The following FNDC3B variants were observed in gnomAD, a reference collection of about 807,000 sequenced individuals.
FNDC3B encodes the protein fibronectin type III domain containing 3B.
In FNDC3B, 12 loss-of-function variants were observed where a neutral mutation model predicts 151.5. The observed-to-expected ratio is 0.08, with a 90% CI of 0.05 to 0.13. The LOEUF (loss-of-function observed/expected upper bound fraction) is 0.13, where lower values mean the gene tolerates loss of function less well. Among genes scored for constraint, FNDC3B ranks in the 10% least tolerant of loss-of-function variants. The probability of loss-of-function intolerance (pLI) is 1.00; values close to 1 mark genes in which losing one functional copy is unlikely to be tolerated. For missense variants in FNDC3B, 1,214 were observed against 1,505.3 expected (o/e 0.81, Z 3.20); for synonymous variants, 528 against 549.0 (o/e 0.96, Z 0.54).
chr3:172,141,563 T>C (rs375109085), intron 3 of FNDC3B, among the ~76,000 whole-genome samples: 1 of 152,220 alleles, frequency 6.6e-6, no homozygotes, highest in Non-Finnish European at 1.5e-5. Flanking sequence ...TGGCTGGGCA[T>C]AGTGGCTCAC....
At chr3:172,173,207 T>G (rs1489395316) in intron 3 of FNDC3B, among the ~76,000 whole-genome samples, 1 of 152,214 alleles carries the variant, frequency 6.6e-6, no homozygotes, top group Non-Finnish European at 1.5e-5. Context: ...AGGGAGTTTA[T>G]AGAACTCCCT....
chr3:172,207,600 C>T (rs372533159), intron 3 of FNDC3B, among the ~76,000 whole-genome samples: 18 of 152,132 alleles, frequency 1.2e-4, no homozygotes, highest in Admixed American at 2.0e-4. Flanking sequence ...GGTCCATGGG[C>T]GGCCATGGGC....
Position 172,397,521 on chromosome 3 carries a change from C to G in FNDC3B, c.*46C>G. The G allele has an allele frequency of 8.0e-7, 1 of 1,254,612 alleles. No individual in the cohort carries two copies. The highest frequency in any genetic ancestry group is 1.4e-5 in the South Asian group (1 of 70,646). The allele number at this position is 1,254,612 out of a possible 1,614,324, so 77.7% of individuals were successfully genotyped here. A position where few individuals can be genotyped will look rare whatever the true frequency, so the allele number is the denominator to read the frequency against. On this transcript the variant is annotated 3_prime_UTR_variant, in exon 26 of 26. Coordinates refer to ENST00000415807, the MANE Select transcript of FNDC3B (RefSeq NM_022763.4). ...TGAATTAATGCTACACATTTTAATA[C>G]ACACATTTATTCAGATACTCCCCTT...
At chr3:172,305,153 G>C (rs1731131041) in intron 9 of FNDC3B, among the ~76,000 whole-genome samples, 1 of 152,134 alleles carries the variant, frequency 6.6e-6, no homozygotes, top group African/African-American at 2.4e-5. Context: ...TGATTTTGAA[G>C]TAAGGTTCAG....
chr3:172,331,523 A>G (rs920989518), intron 13 of FNDC3B, among the ~76,000 whole-genome samples: 2 of 151,956 alleles, frequency 1.3e-5, no homozygotes, highest in African/African-American at 2.4e-5. Flanking sequence ...ACACCCGGCT[A>G]ATTTTTTTTT....
chr3:172,105,669 C>T (rs1303280060), intron 1 of FNDC3B, among the ~76,000 whole-genome samples: 1 of 150,590 alleles, frequency 6.6e-6, no homozygotes, highest in East Asian at 2.0e-4. Flanking sequence ...CCCACACGGG[C>T]CTCGAACTTC....
rs114709793 is a variant in FNDC3B, at chr3:172,073,846, G to T, written c.-29+34075G>T. 8.6e-3 allele frequency among the ~76,000 whole-genome samples: 1,298 copies of T among 150,638 alleles called. 23 individuals carry two copies. The highest frequency in any genetic ancestry group is 0.031 in the African/African-American group (1,251 of 40,898). On this transcript the variant is annotated intron_variant, in intron 1 of 25. Coordinates refer to ENST00000415807, the MANE Select transcript of FNDC3B (RefSeq NM_022763.4). ...TAGCGTAAGTTTACTACCTGACCTT[G>T]TTTCATGTCCTCTTCACTGAGGACA...
chr3:172,135,849 T>C (rs1382879409), intron 3 of FNDC3B, among the ~76,000 whole-genome samples: 1 of 152,242 alleles, frequency 6.6e-6, no homozygotes, highest in Non-Finnish European at 1.5e-5. Flanking sequence ...TCGTGAATAC[T>C]TCATTCCAGT....
chr3:172,346,289 A>G (rs1339804998), intron 19 of FNDC3B, 38 bp from the exon 20 acceptor site: 4 of 1,225,466 alleles, frequency 3.3e-6, no homozygotes, highest in East Asian at 4.7e-5. Context: ...ACATACACGC[A>G]TATATACATA....
chr3:172,066,179 C>A (rs796692939), intron 1 of FNDC3B, among the ~76,000 whole-genome samples: 38 of 152,258 alleles, frequency 2.5e-4, no homozygotes, highest in African/African-American at 8.9e-4. Context: ...GTTCTGTCTT[C>A]CCATGATTCT....
At chr3:172,240,830 C>G (rs1052427897) in intron 4 of FNDC3B, among the ~76,000 whole-genome samples, 1 of 152,122 alleles carries the variant, frequency 6.6e-6, no homozygotes, top group Non-Finnish European at 1.5e-5. Flanking sequence ...TGCTGTTATC[C>G]CCAGGCTGTT....
At chr3:172,103,758 C>T (rs567272774) in intron 1 of FNDC3B, among the ~76,000 whole-genome samples, 8 of 152,208 alleles carry the variant, frequency 5.3e-5, no homozygotes, top group Admixed American at 1.3e-4. Context: ...GGATGTAAAA[C>T]GCAAGAACGT....
At chr3:172,200,404 T>G (rs1222798268) in intron 3 of FNDC3B, among the ~76,000 whole-genome samples, 5 of 152,222 alleles carry the variant, frequency 3.3e-5, no homozygotes, top group African/African-American at 1.2e-4. Context: ...CCCCAATGGT[T>G]AGACTTGTGA....
intron 9 of FNDC3B, chr3:172,302,454 A>C (rs1348361433): frequency 8.5e-5 from 13 of 152,232 alleles, no homozygotes; most frequent in Admixed American, 8.5e-4. Flanking sequence ...ATGCCATTTG[A>C]GCCAGATTCC....
chr3:172,257,880 C>T (rs1728440699), intron 6 of FNDC3B, among the ~76,000 whole-genome samples: 1 of 152,096 alleles, frequency 6.6e-6, no homozygotes, highest in Non-Finnish European at 1.5e-5. Flanking sequence ...GCCACAGTAG[C>T]ATTTGAGAAC....
At chr3:172,110,965 G>T (rs961115751) in intron 1 of FNDC3B, among the ~76,000 whole-genome samples, 4 of 151,998 alleles carry the variant, frequency 2.6e-5, no homozygotes, top group African/African-American at 4.8e-5. Flanking sequence ...CGGGCATAGT[G>T]GTGCGTGCCT....
intron 11 of FNDC3B, among the ~76,000 whole-genome samples, chr3:172,320,669 A>G (rs79630218): frequency 1.3e-5 from 2 of 152,224 alleles, no homozygotes; most frequent in Non-Finnish European, 2.9e-5. Context: ...TGTTAGTGCC[A>G]GGGTAATTAG....
In FNDC3B at chr3:172,369,852, G is replaced by C. The variant is rs539760803; in HGVS notation, c.3008+7007G>C. On this transcript the variant is annotated intron_variant, in intron 23 of 25. Coordinates refer to ENST00000415807, the MANE Select transcript of FNDC3B (RefSeq NM_022763.4). ...GGCGAATACTATCCATTTCTATTTTGAGCACCGTTCGTTCCCAAATGCCAC... is the reference window on the plus strand; with the variant it reads ...GGCGAATACTATCCATTTCTATTTTCAGCACCGTTCGTTCCCAAATGCCAC... Among the ~76,000 whole-genome samples, 5 of 152,112 alleles carry C rather than the reference G, an allele frequency of 3.3e-5. No individual in the cohort carries two copies. In the South Asian group the frequency reaches 1.0e-3, roughly 32 times the overall value.
intron 4 of FNDC3B, among the ~76,000 whole-genome samples, chr3:172,246,187 AT>A (rs5854465): frequency 0.1 from 14,721 of 146,524 alleles, 1,488 homozygotes; most frequent in African/African-American, 0.27. Context: ...CGGTTTTTAG[AT>A]TTTTTTTTTT....
Sources: gnomAD v4.1 joint callset for allele counts (sites outside exome capture counted in the v4.1 genomes callset) on GRCh38, gnomAD v4.1.1 for gene constraint, MANE v1.5 for transcripts, NCBI Gene and HGNC (gene_info 2026-07-23, HGNC 2026-07-21) for gene names.